The following OTOA variants were observed in gnomAD, a reference collection of about 807,000 sequenced individuals.
OTOA encodes cancer/testis antigen 108.
In OTOA, 70 loss-of-function variants were observed where a neutral mutation model predicts 110.8. The ratio of observed to expected loss-of-function variants is 0.63; its 90% CI spans 0.52 to 0.77. The LOEUF is 0.77. Ranked by LOEUF, OTOA falls within the 30% of genes least tolerant of loss-of-function variation. The probability of loss-of-function intolerance (pLI) is 0.00; values close to 1 mark genes in which losing one functional copy is unlikely to be tolerated. For synonymous variants in OTOA, 373 were observed against 431.5 expected, an observed-to-expected ratio of 0.86 and a Z score of 1.68; for missense variants, 917 against 1,075.8, an observed-to-expected ratio of 0.85 and a Z score of 2.06.
chr16:21,715,565 G>A (rs1898527921), intron 14 of OTOA, among the ~76,000 whole-genome samples: 1 of 151,680 alleles, frequency 6.6e-6, no homozygotes, highest in Non-Finnish European at 1.5e-5. Flanking sequence ...GAGTAGCTGG[G>A]ACCACAGGCA....
intron 22 of OTOA, among the ~76,000 whole-genome samples, chr16:21,739,228 A>G (rs2141741157): frequency 6.6e-6 from 1 of 152,138 alleles, no homozygotes; most frequent in South Asian, 2.1e-4. Context: ...ACGATGTACC[A>G]GGCTCTATTC....
intron 9 of OTOA, among the ~76,000 whole-genome samples, chr16:21,695,684 C>T (rs897199770): frequency 1.9e-4 from 29 of 151,542 alleles, no homozygotes; most frequent in African/African-American, 7.0e-4. Context: ...TCATTGCCCA[C>T]GGCTTCTGCA....
chr16:21,724,760 CATTA>C (rs1002940902), intron 18 of OTOA, among the ~76,000 whole-genome samples: 11 of 152,122 alleles, frequency 7.2e-5, no homozygotes, highest in South Asian at 2.1e-4. Context: ...TTCTTCCTTA[CATTA>C]ATTAATTAAT....
intron 15 of OTOA, 138 bp from the exon 16 acceptor site, chr16:21,718,995 G>C: frequency 3.6e-6 from 3 of 839,040 alleles, no homozygotes; most frequent in Non-Finnish European, 6.1e-6. Flanking sequence ...TCTAGTCCTA[G>C]GTAACTCACA....
rs455416 is a variant in OTOA, at chr16:21,735,525, G to A, written c.2302-736G>A. Among the ~76,000 whole-genome samples, 660 of 151,932 alleles carry A rather than the reference G, an allele frequency of 4.3e-3. 2 individuals are homozygous for A. The highest frequency in any genetic ancestry group is 0.034 in the Middle Eastern group (10 of 294). On this transcript the variant is annotated intron_variant, in intron 21 of 28. Coordinates refer to ENST00000646100, the MANE Select transcript of OTOA (RefSeq NM_144672.4). ...TGGGTGGGGTACACATCCAAACTAT[G>A]TCAAATATAAAGTTTAGTAAAAACT...
rs148690740 is a variant in OTOA at position 21,722,979 on chromosome 16, G to A, written c.1880+1G>A. On this transcript the variant is annotated splice_donor_variant, in intron 18 of 28. Coordinates refer to ENST00000646100, the MANE Select transcript of OTOA (RefSeq NM_144672.4). LOFTEE classifies it high-confidence loss of function. ...CACCTTTCCTCTTGGCTGCACTCCCGTAAGTGAACATCAGCCCCCACCTTC... is the reference window on the plus strand; with the variant it reads ...CACCTTTCCTCTTGGCTGCACTCCCATAAGTGAACATCAGCCCCCACCTTC... 23 of 1,613,758 alleles carry A rather than the reference G, an allele frequency of 1.4e-5. No individual in the cohort carries two copies. Among genetic ancestry groups the A allele is most frequent in the Admixed American group, 8.3e-5 (5 of 59,990 alleles).
intron 9 of OTOA, among the ~76,000 whole-genome samples, chr16:21,695,200 G>A (rs1025933918): frequency 4.0e-5 from 6 of 148,398 alleles, no homozygotes; most frequent in African/African-American, 1.5e-4. Flanking sequence ...AGGAGTTCAA[G>A]GCCAGCCTGG....
At chr16:21,673,507 AT>A (rs1272224924) in intron 1 of OTOA, among the ~76,000 whole-genome samples, 1 of 152,110 alleles carries the variant, frequency 6.6e-6, no homozygotes, top group Non-Finnish European at 1.5e-5. Context: ...TCTAGTCTGC[AT>A]TTCTATAATT....
chr16:21,729,098 G>GTAA (rs1046102292), intron 20 of OTOA, among the ~76,000 whole-genome samples: 1 of 151,908 alleles, frequency 6.6e-6, no homozygotes, highest in Non-Finnish European at 1.5e-5. Context: ...CTGTGGCACA[G>GTAA]TAATGGCTCA....
chr16:21,682,389 T>A (rs934575731), intron 6 of OTOA, among the ~76,000 whole-genome samples: 8 of 152,226 alleles, frequency 5.3e-5, no homozygotes, highest in African/African-American at 1.9e-4. Context: ...CACATCTTAC[T>A]GCAAAGGAGC....
At chr16:21,726,480 G>C (rs764554951) in intron 18 of OTOA, 43 bp from the exon 19 acceptor site, 4 of 1,611,950 alleles carry the variant, frequency 2.5e-6, no homozygotes, top group Non-Finnish European at 2.5e-6. Flanking sequence ...GCCAACAGGA[G>C]CAGCCATGTG....
intron 18 of OTOA, among the ~76,000 whole-genome samples, chr16:21,724,650 C>G (rs902107888): frequency 6.6e-6 from 1 of 152,104 alleles, no homozygotes; most frequent in African/African-American, 2.4e-5. Flanking sequence ...TGGCATGGCA[C>G]TTCTACCACT....
chr16:21,724,049 C>T (rs995978187), intron 18 of OTOA, among the ~76,000 whole-genome samples: 2 of 152,020 alleles, frequency 1.3e-5, no homozygotes, highest in Non-Finnish European at 2.9e-5. Flanking sequence ...GATGGTTCTC[C>T]AAGAAAAACT....
chr16:21,700,770 G>T, intron 10 of OTOA, 118 bp from the exon 11 acceptor site: 13 of 1,113,286 alleles, frequency 1.2e-5, no homozygotes, highest in Non-Finnish European at 1.6e-5. Context: ...ATGACAATGA[G>T]AACCAGGAGG....
At chr16:21,723,444 CAA>C (rs56405428) in intron 18 of OTOA, among the ~76,000 whole-genome samples, 45 of 141,764 alleles carry the variant, frequency 3.2e-4, no homozygotes, top group Non-Finnish European at 3.5e-4. Context: ...TTCGTTCATT[CAA>C]AAAAAAAAAA....
intron 11 of OTOA, among the ~76,000 whole-genome samples, chr16:21,701,546 CA>C (rs1330238729): frequency 2.6e-5 from 4 of 152,092 alleles, no homozygotes; most frequent in African/African-American, 9.7e-5. Flanking sequence ...CTCTACATTC[CA>C]GGGGTGTCAG....
Position 21,722,738 on chromosome 16 carries a change from C to G in OTOA, c.1807-167C>G, listed in dbSNP as rs139931910. On this transcript the variant is annotated intron_variant, in intron 17 of 28. Transcript: ENST00000646100. Reference sequence around the variant, plus strand: ...GTGTTCATGTTTGTTATTACCTCAGCGTTCTCATCCATAAACTGGGCACAG... The same window carrying G: ...GTGTTCATGTTTGTTATTACCTCAGGGTTCTCATCCATAAACTGGGCACAG... 4.2e-4 allele frequency among the ~76,000 whole-genome samples: 64 copies of G among 152,228 alleles called. No individual in the cohort carries two copies. In the East Asian group the frequency reaches 0.011, roughly 26 times the overall value.
At chr16:21,695,287 C>T (rs1459598483) in intron 9 of OTOA, among the ~76,000 whole-genome samples, 1 of 147,362 alleles carries the variant, frequency 6.8e-6, no homozygotes, top group Non-Finnish European at 1.5e-5. Flanking sequence ...TGCCTGTAGT[C>T]CTAGCTACTA....
At chr16:21,676,396 A>G (rs1288081084) in intron 1 of OTOA, among the ~76,000 whole-genome samples, 1 of 152,016 alleles carries the variant, frequency 6.6e-6, no homozygotes, top group Non-Finnish European at 1.5e-5. Flanking sequence ...AATCAATTAG[A>G]TCCTTCCAAG....
Sources: allele counts gnomAD v4.1 joint callset (sites outside exome capture counted in the v4.1 genomes callset), GRCh38; gene constraint gnomAD v4.1.1; transcripts MANE v1.5; gene names NCBI Gene and HGNC (gene_info 2026-07-23, HGNC 2026-07-21).